The following ATP2B2 variants were observed in gnomAD, a reference collection of about 807,000 sequenced individuals.
The protein encoded by ATP2B2 is ATPase plasma membrane Ca2+ transporting 2.
In ATP2B2, 15 loss-of-function variants were observed where a neutral mutation model predicts 120.0. The ratio of observed to expected loss-of-function variants is 0.12; its 90% CI spans 0.08 to 0.19. The LOEUF (loss-of-function observed/expected upper bound fraction) is 0.19. Among genes scored for constraint, ATP2B2 ranks in the 10% least tolerant of loss-of-function variants. The pLI, the probability that ATP2B2 is intolerant of heterozygous loss-of-function variation, is 1.00. For synonymous variants in ATP2B2, 694 were observed against 700.3 expected, an observed-to-expected ratio of 0.99 and a Z score of 0.14; for missense variants, 1,045 against 1,719.8, an observed-to-expected ratio of 0.61 and a Z score of 6.94.
At chr3:10,350,707 T>A in intron 14 of ATP2B2, 130 bp from the exon 15 acceptor site, 1 of 971,908 alleles carries the variant, frequency 1.0e-6, no homozygotes, top group Non-Finnish European at 1.5e-6. Flanking sequence ...TATGAGATGC[T>A]GATGACGCAC....
At chr3:10,535,952 A>G (rs1483278610) in intron 2 of ATP2B2, among the ~76,000 whole-genome samples, 1 of 152,090 alleles carries the variant, frequency 6.6e-6, no homozygotes, top group African/African-American at 2.4e-5. Context: ...ACTGTTTTCC[A>G]GTATGGTAAA....
intron 2 of ATP2B2, among the ~76,000 whole-genome samples, chr3:10,550,357 A>G (rs2067641934): frequency 6.6e-6 from 1 of 152,188 alleles, no homozygotes; most frequent in African/African-American, 2.4e-5. Flanking sequence ...ATGGAATAGT[A>G]TTGGTTTCTT....
intron 1 of ATP2B2, among the ~76,000 whole-genome samples, chr3:10,657,907 G>GGAACT (rs2070678827): frequency 6.6e-6 from 1 of 152,342 alleles, no homozygotes. Flanking sequence ...AACTTCCAGA[G>GGAACT]GAACTGTCAG....
At chr3:10,420,082 G>T (rs150200218) in intron 2 of ATP2B2, among the ~76,000 whole-genome samples, 6 of 152,350 alleles carry the variant, frequency 3.9e-5, no homozygotes, top group African/African-American at 1.4e-4. Flanking sequence ...GCATGCATGC[G>T]TGCCCGAGGA....
At chr3:10,515,033 TA>T (rs1357935750) in intron 3 of ATP2B2, among the ~76,000 whole-genome samples, 3 of 152,224 alleles carry the variant, frequency 2.0e-5, no homozygotes, top group African/African-American at 7.2e-5. Context: ...AGGATCTCTG[TA>T]AACTGTAAGT....
intron 1 of ATP2B2, among the ~76,000 whole-genome samples, chr3:10,479,672 G>A (rs1397492667): frequency 3.9e-5 from 6 of 152,124 alleles, no homozygotes; most frequent in African/African-American, 1.4e-4. Context: ...ACTAAGGCCT[G>A]TGTCTACGTT....
intron 2 of ATP2B2, among the ~76,000 whole-genome samples, chr3:10,586,497 A>G (rs1218382249): frequency 6.6e-6 from 1 of 152,184 alleles, no homozygotes; most frequent in East Asian, 1.9e-4. Context: ...AGACAGAAAG[A>G]AGGCCAGTAG....
chr3:10,357,756 G>A (rs1405257569), intron 14 of ATP2B2, among the ~76,000 whole-genome samples: 5 of 152,178 alleles, frequency 3.3e-5, no homozygotes, highest in African/African-American at 4.8e-5. Context: ...CCTCCTGCAC[G>A]CTGCCTCATG....
intron 3 of ATP2B2, among the ~76,000 whole-genome samples, chr3:10,405,656 CT>C (rs2062385157): frequency 6.6e-6 from 1 of 152,132 alleles, no homozygotes; most frequent in Admixed American, 6.5e-5. Context: ...TGCAACTGCT[CT>C]TCCTGGACCT....
chr3:10,456,155 TA>T (rs1182804529), intron 1 of ATP2B2, among the ~76,000 whole-genome samples: 1 of 152,032 alleles, frequency 6.6e-6, no homozygotes. Flanking sequence ...GAAGGAAGAA[TA>T]AAAAAATAAA....
chr3:10,533,065 T>C (rs1188788050), intron 3 of ATP2B2, among the ~76,000 whole-genome samples: 2 of 152,174 alleles, frequency 1.3e-5, no homozygotes, highest in African/African-American at 4.8e-5. Context: ...CAGTGAGAGC[T>C]CTGATCTCTT....
At chr3:10,505,754 G>A (rs1298141854), upstream of ATP2B2, 2 of 141,974 alleles carry the variant, frequency 1.4e-5, no homozygotes, top group Non-Finnish European at 3.1e-5. Context: ...GGGACACAGG[G>A]AGGGCCGGTT....
At chr3:10,528,234 TG>T (rs1377222033) in intron 3 of ATP2B2, among the ~76,000 whole-genome samples, 1 of 151,954 alleles carries the variant, frequency 6.6e-6, no homozygotes, top group Admixed American at 6.6e-5. Context: ...CCTGGGAACG[TG>T]GGGAAAGGGT....
At chr3:10,441,035 T>C (rs1311560685) in intron 2 of ATP2B2, among the ~76,000 whole-genome samples, 1 of 152,248 alleles carries the variant, frequency 6.6e-6, no homozygotes, top group African/African-American at 2.4e-5. Context: ...TAGTAACTAG[T>C]AGCACAGCTA....
At chr3:10,336,018 T>G in intron 22 of ATP2B2, 2 of 1,320,722 alleles carry the variant, frequency 1.5e-6, no homozygotes, top group South Asian at 1.4e-5. Flanking sequence ...TTCATCCCCC[T>G]GGGCCTGATT....
chr3:10,426,669 C>G lies in ATP2B2; in HGVS notation c.200-15854G>C, dbSNP rs78365746. On this transcript the variant is annotated intron_variant, in intron 2 of 22. Transcript: ENST00000360273. ...GTCACTTGAACTTTCCATTTAGGTG[C>G]GCGAAGTTACTACTGGGCGAAAAAG... Among the ~76,000 whole-genome samples, 1,513 of 152,232 alleles carry G rather than the reference C, an allele frequency of 9.9e-3. 7 individuals are homozygous for G. The highest frequency in any genetic ancestry group is 0.017 in the Non-Finnish European group (1,165 of 68,024).
At chr3:10,692,079 T>G (rs1055942914) in intron 1 of ATP2B2, among the ~76,000 whole-genome samples, 1 of 152,196 alleles carries the variant, frequency 6.6e-6, no homozygotes, top group Non-Finnish European at 1.5e-5. Context: ...CGAATTATAT[T>G]AAATCAGAGA....
intron 1 of ATP2B2, among the ~76,000 whole-genome samples, chr3:10,703,357 T>G (rs2071848636): frequency 6.6e-6 from 1 of 152,206 alleles, no homozygotes; most frequent in South Asian, 2.1e-4. Flanking sequence ...CACATGGTCT[T>G]CCTTCTAGGG....
chr3:10,568,218 C>T (rs1038241026), intron 2 of ATP2B2, among the ~76,000 whole-genome samples: 17 of 152,198 alleles, frequency 1.1e-4, no homozygotes, highest in African/African-American at 3.9e-4. Flanking sequence ...CTCTGCCGGC[C>T]ACAAAGGAAG....
Sources: allele counts gnomAD v4.1 joint callset (sites outside exome capture counted in the v4.1 genomes callset), GRCh38; gene constraint gnomAD v4.1.1; transcripts MANE v1.5; gene names NCBI Gene and HGNC (gene_info 2026-07-23, HGNC 2026-07-21).